Variants in SLCO6A1 observed in about 807,000 individuals in gnomAD.
SLCO6A1 encodes cancer/testis antigen 48.
SLCO6A1 carries 65 observed loss-of-function variants against 72.7 expected under a neutral mutation model. That is an observed-to-expected ratio of 0.89 (90% CI 0.73 to 1.10). The LOEUF (loss-of-function observed/expected upper bound fraction) is 1.10, where lower values mean the gene tolerates loss of function less well. Ranked by LOEUF, SLCO6A1 falls within the 50% of genes least tolerant of loss-of-function variation. The pLI is 0.00. For synonymous variants in SLCO6A1, 314 were observed against 298.2 expected, an observed-to-expected ratio of 1.05 and a Z score of -0.55; for missense variants, 874 against 872.6, an observed-to-expected ratio of 1.00 and a Z score of -0.02.
chr5:102,412,790 A>C (rs199997782), intron 9 of SLCO6A1, among the ~76,000 whole-genome samples, 200 bp downstream of exon 9: 3 of 151,922 alleles, frequency 2.0e-5, no homozygotes, highest in East Asian at 1.9e-4. Context: ...AAAAAAAAAA[A>C]CAAATTTTAT....
At chr5:102,480,507 AATTT>A (rs994403036) in intron 1 of SLCO6A1, 73 bp from the exon 2 acceptor site, 1 of 1,366,244 alleles carries the variant, frequency 7.3e-7, no homozygotes, top group Non-Finnish European at 1.0e-6. Context: ...TACAAAGCAA[AATTT>A]AAATTACATG....
At chr5:102,469,367 A>C in intron 4 of SLCO6A1, among the ~76,000 whole-genome samples, 1 of 152,096 alleles carries the variant, frequency 6.6e-6, no homozygotes, top group East Asian at 1.9e-4. Context: ...CTCCTTGAAG[A>C]GGTCCTTCAC....
chr5:102,436,444 A>T (rs2112672325), intron 7 of SLCO6A1, among the ~76,000 whole-genome samples: 1 of 152,280 alleles, frequency 6.6e-6, no homozygotes, highest in East Asian at 1.9e-4. Context: ...CAAGCAAAAA[A>T]ATGTCTCATT....
At position 102,435,875 on chromosome 5, in the gene SLCO6A1, C is replaced by T. The variant is rs1414444242; in HGVS notation, c.1276+2742G>A. On this transcript the variant is annotated intron_variant, in intron 7 of 13. Coordinates refer to ENST00000506729, the MANE Select transcript of SLCO6A1 (RefSeq NM_173488.5). Reference sequence around the variant, plus strand: ...GGGCAACAAGAGTGAAACTCCATCTCAAAAAAAAAAAAAAAAGTTATCAGG... The same window carrying T: ...GGGCAACAAGAGTGAAACTCCATCTTAAAAAAAAAAAAAAAAGTTATCAGG... 5.6e-5 allele frequency among the ~76,000 whole-genome samples: 6 copies of T among 106,610 alleles called. No homozygotes were observed. In the South Asian group the frequency reaches 1.8e-3, roughly 32 times the overall value. The allele number at this position is 106,610 out of a possible 152,430, so 69.9% of individuals were successfully genotyped here.
At chr5:102,425,878 G>A (rs1748864789) in intron 7 of SLCO6A1, among the ~76,000 whole-genome samples, 1 of 152,062 alleles carries the variant, frequency 6.6e-6, no homozygotes, top group Non-Finnish European at 1.5e-5. Context: ...ATACTACAAG[G>A]CTACAGTAAC....
At chr5:102,421,438 A>C (rs976458487) in intron 7 of SLCO6A1, among the ~76,000 whole-genome samples, 3 of 152,078 alleles carry the variant, frequency 2.0e-5, no homozygotes, top group Non-Finnish European at 2.9e-5. Flanking sequence ...TGGTGGGGAG[A>C]GGGGCATCTG....
At chr5:102,486,987 T>C (rs1752472076) in intron 1 of SLCO6A1, among the ~76,000 whole-genome samples, 1 of 152,200 alleles carries the variant, frequency 6.6e-6, no homozygotes, top group Non-Finnish European at 1.5e-5. Context: ...GGTACTGATA[T>C]AAAGCTGGCA....
intron 8 of SLCO6A1, among the ~76,000 whole-genome samples, chr5:102,413,796 T>C (rs958767285): frequency 2.0e-5 from 3 of 152,172 alleles, no homozygotes; most frequent in African/African-American, 7.2e-5. Flanking sequence ...TAAAAAAATG[T>C]TAGACATTTT....
chr5:102,443,826 A>G (rs539887486), intron 6 of SLCO6A1, among the ~76,000 whole-genome samples: 1 of 152,364 alleles, frequency 6.6e-6, no homozygotes, highest in African/African-American at 2.4e-5. Flanking sequence ...ATACAAATAA[A>G]TATACAAAGA....
chr5:102,412,024 A>T (rs989346547), intron 9 of SLCO6A1, among the ~76,000 whole-genome samples: 1 of 152,046 alleles, frequency 6.6e-6, no homozygotes, highest in Non-Finnish European at 1.5e-5. Context: ...GGTCTCCACA[A>T]TCTTTTTTCT....
chr5:102,492,234 AG>A (rs1312045605), intron 1 of SLCO6A1, among the ~76,000 whole-genome samples: 1 of 152,230 alleles, frequency 6.6e-6, no homozygotes, highest in East Asian at 1.9e-4. Context: ...TCTATTGGAA[AG>A]AATGGACAAT....
intron 9 of SLCO6A1, among the ~76,000 whole-genome samples, chr5:102,401,223 G>C (rs545016044): frequency 6.6e-6 from 1 of 152,194 alleles, no homozygotes; most frequent in African/African-American, 2.4e-5. Context: ...CCTTGTGGTA[G>C]AGCTTGCTTG....
intron 7 of SLCO6A1, among the ~76,000 whole-genome samples, chr5:102,423,609 C>T (rs1748728382): frequency 6.6e-6 from 1 of 152,106 alleles, no homozygotes; most frequent in Admixed American, 6.6e-5. Flanking sequence ...ACAAGAGCAC[C>T]AAGATTCATA....
intron 10 of SLCO6A1, among the ~76,000 whole-genome samples, chr5:102,398,301 C>G (rs1747211662): frequency 6.6e-6 from 1 of 152,070 alleles, no homozygotes; most frequent in Non-Finnish European, 1.5e-5. Context: ...CCTCAGCCTT[C>G]TGAGTAGCTG....
At chr5:102,404,675 T>C (rs1345811050) in intron 9 of SLCO6A1, among the ~76,000 whole-genome samples, 2 of 152,208 alleles carry the variant, frequency 1.3e-5, no homozygotes, top group Non-Finnish European at 2.9e-5. Flanking sequence ...GAGTGAAATG[T>C]TATTTTCATA....
chr5:102,409,622 G>A (rs1561437066), intron 9 of SLCO6A1, among the ~76,000 whole-genome samples: 1 of 151,872 alleles, frequency 6.6e-6, no homozygotes, highest in African/African-American at 2.4e-5. Flanking sequence ...TCCTAGCAAG[G>A]CTAATTGTCC....
At chr5:102,429,399 A>G (rs1749088143) in intron 7 of SLCO6A1, among the ~76,000 whole-genome samples, 1 of 152,154 alleles carries the variant, frequency 6.6e-6, no homozygotes, top group African/African-American at 2.4e-5. Context: ...GCAGAATGGT[A>G]TTCCCTAGGT....
intron 1 of SLCO6A1, among the ~76,000 whole-genome samples, chr5:102,484,604 T>C (rs983456552): frequency 1.3e-5 from 2 of 151,918 alleles, no homozygotes; most frequent in East Asian, 1.9e-4. Flanking sequence ...TGAGCCAAGA[T>C]TGCGCCACTG....
In SLCO6A1 at chr5:102,453,534, G is replaced by A. The variant is rs181991949; in HGVS notation, c.1131+4848C>T. On this transcript the variant is annotated intron_variant, in intron 6 of 13. Transcript: ENST00000506729. The stretch of plus-strand genomic sequence containing the variant: ...TTCTTTGCATTTTTCATGAGGTTTT[G>A]TTGAAAATTGGACACTTTAAATAAT... Among the ~76,000 whole-genome samples the A allele has an allele frequency of 3.3e-5, 5 of 152,104 alleles. No homozygotes were observed. In the East Asian group the frequency reaches 5.8e-4, roughly 18 times the overall value.
Sources: allele counts gnomAD v4.1 joint callset (sites outside exome capture counted in the v4.1 genomes callset), GRCh38; gene constraint gnomAD v4.1.1; transcripts MANE v1.5; gene names NCBI Gene and HGNC (gene_info 2026-07-23, HGNC 2026-07-21).